Variants in CFAP299 observed in about 807,000 individuals in gnomAD.
CFAP299 encodes the protein cilia and flagella associated protein 299.
In CFAP299, 21 loss-of-function variants were observed where a neutral mutation model predicts 27.0. The observed-to-expected ratio is 0.78, with a 90% CI of 0.55 to 1.12. CFAP299 has a LOEUF of 1.12. Among genes scored for constraint, CFAP299 ranks in the 50% most tolerant of loss-of-function variants. The pLI is 0.00. For missense variants in CFAP299, 310 were observed against 276.6 expected, an observed-to-expected ratio of 1.12 and a Z score of -0.86; for synonymous variants, 104 against 98.1, an observed-to-expected ratio of 1.06 and a Z score of -0.36.
At position 80,657,238 on chromosome 4, in the gene CFAP299, C is replaced by A. The variant is rs2109976871; in HGVS notation, c.333+74055C>A. On this transcript the variant is annotated intron_variant, in intron 3 of 5. Coordinates refer to ENST00000358105, the MANE Select transcript of CFAP299 (RefSeq NM_152770.3). The stretch of plus-strand genomic sequence containing the variant: ...CAGAAGTTCTTTAGTTTAATTAGAT[C>A]CCATTTGTCAGTTTTGGCTTTTGTT... Among the ~76,000 whole-genome samples, 2 of 152,210 alleles carry A rather than the reference C, an allele frequency of 1.3e-5. 1 individual carries two copies. Among genetic ancestry groups the A allele is most frequent in the South Asian group, 4.1e-4 (2 of 4,830 alleles).
intron 3 of CFAP299, among the ~76,000 whole-genome samples, chr4:80,852,755 G>A (rs1008558863): frequency 3.3e-5 from 5 of 152,012 alleles, no homozygotes; most frequent in African/African-American, 9.7e-5. Flanking sequence ...ATCATCTATT[G>A]AAAATGCTCT....
intron 3 of CFAP299, among the ~76,000 whole-genome samples, chr4:80,611,734 C>T (rs369254143): frequency 5.3e-4 from 81 of 152,122 alleles, no homozygotes; most frequent in Admixed American, 3.3e-3. Flanking sequence ...TTTGAGGATT[C>T]GGCTCTTAAC....
chr4:80,573,181 A>C (rs1735681528), intron 2 of CFAP299, among the ~76,000 whole-genome samples: 1 of 152,068 alleles, frequency 6.6e-6, no homozygotes. Context: ...GAATGAGATG[A>C]TATCTCATTA....
intron 2 of CFAP299, among the ~76,000 whole-genome samples, chr4:80,412,466 A>G (rs919295110): frequency 6.6e-6 from 1 of 152,204 alleles, no homozygotes; most frequent in Non-Finnish European, 1.5e-5. Flanking sequence ...TCAACTAAAT[A>G]TATTGCTCAA....
intron 4 of CFAP299, chr4:80,873,125 A>G: frequency 4.2e-6 from 2 of 478,818 alleles, no homozygotes; most frequent in Non-Finnish European, 5.4e-6. Flanking sequence ...CAGTATTAAT[A>G]TAGCATATGG....
chr4:80,768,205 CT>C (rs758246530), intron 3 of CFAP299, among the ~76,000 whole-genome samples: 1 of 152,160 alleles, frequency 6.6e-6, no homozygotes, highest in Non-Finnish European at 1.5e-5. Context: ...CTAAAAACAG[CT>C]TTTGCAAAGC....
At chr4:80,940,575 A>G (rs972410964) in intron 4 of CFAP299, among the ~76,000 whole-genome samples, 3 of 152,078 alleles carry the variant, frequency 2.0e-5, no homozygotes, top group Admixed American at 6.6e-5. Context: ...CAGTTCCTAG[A>G]TCATTGTTAA....
intron 2 of CFAP299, among the ~76,000 whole-genome samples, chr4:80,496,097 T>C (rs1483120394): frequency 2.0e-5 from 3 of 152,336 alleles, no homozygotes; most frequent in African/African-American, 7.2e-5. Flanking sequence ...TTTTTAGTTA[T>C]GCAAATTTCT....
At chr4:80,424,068 CTT>C (rs1191920706) in intron 2 of CFAP299, among the ~76,000 whole-genome samples, 1 of 152,136 alleles carries the variant, frequency 6.6e-6, no homozygotes, top group Non-Finnish European at 1.5e-5. Context: ...GATATCCTCT[CTT>C]GTTTCTTTTC....
intron 2 of CFAP299, among the ~76,000 whole-genome samples, chr4:80,494,387 C>G (rs1035121074): frequency 1.3e-5 from 2 of 152,184 alleles, no homozygotes; most frequent in African/African-American, 2.4e-5. Context: ...ACATAATAGG[C>G]AGTATACATT....
At chr4:80,423,776 T>G (rs943323804) in intron 2 of CFAP299, among the ~76,000 whole-genome samples, 1 of 152,194 alleles carries the variant, frequency 6.6e-6, no homozygotes, top group Admixed American at 6.6e-5. Context: ...ATGTTCATTA[T>G]GGGTGACTCA....
chr4:80,905,278 A>T (rs185052859), intron 4 of CFAP299, among the ~76,000 whole-genome samples: 1 of 152,206 alleles, frequency 6.6e-6, no homozygotes, highest in East Asian at 1.9e-4. Flanking sequence ...GTTAATGGTC[A>T]ATATGTTTGA....
At chr4:80,620,371 G>A (rs1738521638) in intron 3 of CFAP299, among the ~76,000 whole-genome samples, 1 of 152,122 alleles carries the variant, frequency 6.6e-6, no homozygotes. Context: ...AATGAAAAGA[G>A]CAATTTGCTG....
At chr4:80,424,788 T>A (rs1421781381) in intron 2 of CFAP299, among the ~76,000 whole-genome samples, 1 of 152,178 alleles carries the variant, frequency 6.6e-6, no homozygotes, top group Admixed American at 6.5e-5. Context: ...CAAAAAAATA[T>A]ATTTAAGAAC....
chr4:80,710,492 T>G (rs1407982414), intron 3 of CFAP299, among the ~76,000 whole-genome samples: 1 of 113,594 alleles, frequency 8.8e-6, no homozygotes, highest in Non-Finnish European at 1.9e-5. Context: ...TCTTTTTTTT[T>G]TTTTTTTTAA....
intron 3 of CFAP299, among the ~76,000 whole-genome samples, chr4:80,844,286 G>T (rs976871104): frequency 6.6e-6 from 1 of 152,110 alleles, no homozygotes; most frequent in Non-Finnish European, 1.5e-5. Flanking sequence ...GGATGGCTGG[G>T]TCAAATGGTA....
At chr4:80,766,286 A>G (rs1725856970) in intron 3 of CFAP299, among the ~76,000 whole-genome samples, 4 of 152,200 alleles carry the variant, frequency 2.6e-5, no homozygotes, top group Admixed American at 2.6e-4. Context: ...AATTTCATAG[A>G]GACAATACAT....
chr4:80,339,910 A>G (rs2109966855), intron 1 of CFAP299, among the ~76,000 whole-genome samples: 1 of 152,286 alleles, frequency 6.6e-6, no homozygotes, highest in South Asian at 2.1e-4. Context: ...AGAGTGTTGG[A>G]ATTATTTAAA....
At chr4:80,949,900 G>A (rs1372346873) in intron 5 of CFAP299, among the ~76,000 whole-genome samples, 10 of 152,174 alleles carry the variant, frequency 6.6e-5, no homozygotes, top group African/African-American at 2.2e-4. Flanking sequence ...ATGTTAGAAG[G>A]TGTAGAGCAG....
Sources: gnomAD v4.1 joint callset for allele counts (sites outside exome capture counted in the v4.1 genomes callset) on GRCh38, gnomAD v4.1.1 for gene constraint, MANE v1.5 for transcripts, NCBI Gene and HGNC (gene_info 2026-07-23, HGNC 2026-07-21) for gene names.